IGSF10: variants seen among roughly 807,000 people sequenced by gnomAD.
IGSF10 encodes the protein immunoglobulin superfamily member 10, also known as calvaria mechanical force protein 608.
In IGSF10, 126 loss-of-function variants were observed where a neutral mutation model predicts 128.2. The observed-to-expected ratio is 0.98, with a 90% CI of 0.85 to 1.14. IGSF10 has a LOEUF of 1.14. Ranked by LOEUF, IGSF10 falls within the 50% of genes most tolerant of loss-of-function variation. IGSF10 has a pLI of 0.00. For synonymous variants in IGSF10, 1,185 were observed against 1,146.2 expected, an observed-to-expected ratio of 1.03 and a Z score of -0.68; for missense variants, 3,295 against 3,149.8, an observed-to-expected ratio of 1.05 and a Z score of -1.10.
chr3:151,437,169 G>A lies in IGSF10; in HGVS notation c.7392C>T (p.Ile2464=). The change falls in exon 8 of 8, where the codon ATC becomes ATT. Residue 2464 remains isoleucine, a synonymous_variant. Transcript: ENST00000282466. ...CATAACCACTTGGCATAGTCCATTT[G>A]ATATTTGGCTTAGGGATTCCATCAG... ...CVSDGIPKPN[I]KWTMPSGYVV... 6.2e-7 allele frequency: 1 copy of A among 1,614,100 alleles called. No homozygotes were observed. The highest frequency in any genetic ancestry group is 8.5e-7 in the Non-Finnish European group (1 of 1,179,998).
the IGSF10 span, among the ~76,000 whole-genome samples, chr3:151,593,830 C>T: frequency 6.6e-6 from 1 of 151,938 alleles, no homozygotes; most frequent in East Asian, 1.9e-4. Flanking sequence ...ACTAAGAAAA[C>T]CTTTTTTTAA....
chr3:151,528,761 T>C, the IGSF10 span, among the ~76,000 whole-genome samples: 2 of 151,356 alleles, frequency 1.3e-5, no homozygotes, highest in Non-Finnish European at 2.9e-5. Flanking sequence ...AGCAAAAAAC[T>C]AAGTGGCTGT....
At chr3:151,619,340 T>G in the IGSF10 span, among the ~76,000 whole-genome samples, 1 of 151,846 alleles carries the variant, frequency 6.6e-6, no homozygotes, top group Non-Finnish European at 1.5e-5. Context: ...TTTGAAGTAT[T>G]TATGATAAAA....
Position 151,436,650 on chromosome 3 carries a change from T to A in IGSF10, c.*39A>T. The A allele has an allele frequency of 6.9e-7, 1 of 1,442,140 alleles. No individual in the cohort carries two copies. The highest frequency in any genetic ancestry group is 9.4e-7 in the Non-Finnish European group (1 of 1,062,264). 89.3% of individuals were successfully genotyped at this position (1,442,140 alleles called of 1,614,324 possible). On this transcript the variant is annotated 3_prime_UTR_variant, in exon 8 of 8. Transcript: ENST00000282466. ...CTTTGATTAAACTTCTTCCAAAAAA[T>A]AAATTCTGCCCAGATGTTGTTGACT...
chr3:151,458,813 G>GT, intron 2 of IGSF10, 103 bp from the exon 3 acceptor site: 1 of 902,532 alleles, frequency 1.1e-6, no homozygotes, highest in Non-Finnish European at 1.7e-6. Flanking sequence ...TTTAAGGGTC[G>GT]TAAGTGGTCA....
At chr3:151,540,965 T>C in the IGSF10 span, among the ~76,000 whole-genome samples, 1 of 152,106 alleles carries the variant, frequency 6.6e-6, no homozygotes, top group African/African-American at 2.4e-5. Flanking sequence ...ACATTTTAAG[T>C]GTGAAGGTTA....
the IGSF10 span, among the ~76,000 whole-genome samples, chr3:151,604,800 AG>A: frequency 5.9e-5 from 9 of 152,270 alleles, no homozygotes; most frequent in South Asian, 1.9e-3. Context: ...AGTCACTGTG[AG>A]CATTTAATTA....
At chr3:151,439,200 C>T (rs1467266777) in intron 7 of IGSF10, among the ~76,000 whole-genome samples, 1 of 152,168 alleles carries the variant, frequency 6.6e-6, no homozygotes, top group East Asian at 1.9e-4. Flanking sequence ...CTAATTGGAT[C>T]CACAAACATG....
the IGSF10 span, among the ~76,000 whole-genome samples, chr3:151,515,525 C>T: frequency 5.0e-3 from 751 of 150,078 alleles, 3 homozygotes; most frequent in African/African-American, 0.017. Context: ...TGCTAAATGA[C>T]GAGTTAATGG....
the IGSF10 span, among the ~76,000 whole-genome samples, chr3:151,557,033 A>G: frequency 2.0e-5 from 3 of 152,188 alleles, no homozygotes; most frequent in African/African-American, 7.2e-5. Context: ...CGGTAAGGGG[A>G]GAAGGAGGAT....
chr3:151,496,142 G>A, the IGSF10 span, among the ~76,000 whole-genome samples: 1 of 152,004 alleles, frequency 6.6e-6, no homozygotes, highest in Non-Finnish European at 1.5e-5. Flanking sequence ...TGTACACGTG[G>A]TTTCAGCAAA....
chr3:151,547,731 T>C, the IGSF10 span, among the ~76,000 whole-genome samples: 1 of 152,170 alleles, frequency 6.6e-6, no homozygotes, highest in East Asian at 1.9e-4. Context: ...CATCAGTAAC[T>C]TTATGAGAAA....
chr3:151,566,949 TA>T, the IGSF10 span, among the ~76,000 whole-genome samples: 9 of 152,230 alleles, frequency 5.9e-5, no homozygotes, highest in East Asian at 5.8e-4. Context: ...CAAGTTCGTC[TA>T]ATGTCATAGC....
the IGSF10 span, among the ~76,000 whole-genome samples, chr3:151,530,892 A>C: frequency 0.021 from 3,238 of 152,274 alleles, 63 homozygotes; most frequent in Middle Eastern, 0.058. Context: ...AATGGGCTAA[A>C]TGCCCCAGTT....
the IGSF10 span, among the ~76,000 whole-genome samples, chr3:151,538,907 G>A: frequency 6.6e-6 from 1 of 152,294 alleles, no homozygotes; most frequent in East Asian, 1.9e-4. Context: ...TGCATTGTGA[G>A]AACTGTTACT....
chr3:151,504,982 C>G, the IGSF10 span, among the ~76,000 whole-genome samples: 1 of 152,192 alleles, frequency 6.6e-6, no homozygotes, highest in African/African-American at 2.4e-5. Flanking sequence ...AAGTTCCAAA[C>G]TTTCCCACAT....
chr3:151,538,761 T>C, the IGSF10 span, among the ~76,000 whole-genome samples: 1 of 152,160 alleles, frequency 6.6e-6, no homozygotes. Context: ...CATGTAGTAG[T>C]CACAGAACAA....
the IGSF10 span, among the ~76,000 whole-genome samples, chr3:151,605,539 C>T: frequency 0.33 from 50,648 of 151,906 alleles, 9,334 homozygotes; most frequent in African/African-American, 0.5. Flanking sequence ...ACTATGGCTA[C>T]GAAAATTCTA....
At chr3:151,586,102 C>T in the IGSF10 span, among the ~76,000 whole-genome samples, 1 of 151,768 alleles carries the variant, frequency 6.6e-6, no homozygotes, top group Non-Finnish European at 1.5e-5. Context: ...ACCTCAGACT[C>T]CCGAGTTGCC....
Sources: gnomAD v4.1 joint callset for allele counts (sites outside exome capture counted in the v4.1 genomes callset) on GRCh38, gnomAD v4.1.1 for gene constraint, MANE v1.5 for transcripts, NCBI Gene and HGNC (gene_info 2026-07-23, HGNC 2026-07-21) for gene names.